Variants in MEP1B observed in about 807,000 individuals in gnomAD.
MEP1B encodes meprin A subunit beta.
A neutral mutation model predicts 84.6 loss-of-function variants in MEP1B; 80 were observed. The observed-to-expected ratio is 0.95, with a 90% CI of 0.79 to 1.14. The LOEUF (loss-of-function observed/expected upper bound fraction) is 1.14, where lower values mean the gene tolerates loss of function less well. Ranked by LOEUF, MEP1B falls within the 50% of genes most tolerant of loss-of-function variation. The pLI, the probability that MEP1B is intolerant of heterozygous loss-of-function variation, is 0.00. For synonymous variants in MEP1B, 273 were observed against 288.1 expected (o/e 0.95, Z 0.53); for missense variants, 766 against 855.1 (o/e 0.90, Z 1.30).
At chr18:32,211,320 A>C (rs1371925508) in intron 10 of MEP1B, among the ~76,000 whole-genome samples, 1 of 152,112 alleles carries the variant, frequency 6.6e-6, no homozygotes, top group African/African-American at 2.4e-5. Context: ...ATAAAAATAC[A>C]ATGTGAACTA....
At chr18:32,204,623 G>A (rs980364617) in intron 7 of MEP1B, among the ~76,000 whole-genome samples, 4 of 152,094 alleles carry the variant, frequency 2.6e-5, no homozygotes, top group South Asian at 2.1e-4. Context: ...TATGTGGAAC[G>A]GAGTCTGTGG....
In MEP1B at chr18:32,196,476, G is replaced by A. The variant is rs1464839832; in HGVS notation, c.250+991G>A. 2.2e-5 allele frequency: 15 copies of A among 694,300 alleles called. No homozygotes were observed. The highest frequency in any genetic ancestry group is 3.0e-5 in the South Asian group (2 of 67,448). 43.0% of individuals were successfully genotyped at this position (694,300 alleles called of 1,614,324 possible). ...TCCTTCTGGTGCTGCAGGGCCGACC[G>A]GAAACTCAGCTTTGCTCTCATAGAC... On this transcript the variant is annotated intron_variant, in intron 5 of 14. Coordinates refer to ENST00000269202, the MANE Select transcript of MEP1B (RefSeq NM_005925.3). This position sits in a 1 kb window ranked among gnomAD's most constrained non-coding sequence, Gnocchi z 4.4.
intron 12 of MEP1B, among the ~76,000 whole-genome samples, chr18:32,216,569 C>T (rs2041091625): frequency 1.3e-5 from 2 of 152,154 alleles, no homozygotes; most frequent in Non-Finnish European, 2.9e-5. Context: ...GTGGCTTGTA[C>T]CCTTCTGGGC....
intron 6 of MEP1B, 83 bp from the exon 7 acceptor site, chr18:32,204,099 A>G: frequency 8.6e-7 from 1 of 1,162,954 alleles, no homozygotes; most frequent in Non-Finnish European, 1.3e-6. Context: ...TGGGTAATGA[A>G]GTGGACTAGG....
chr18:32,194,757 G>A (rs895591499), intron 4 of MEP1B, among the ~76,000 whole-genome samples: 4 of 151,572 alleles, frequency 2.6e-5, no homozygotes, highest in East Asian at 1.9e-4. Flanking sequence ...CATGTACTCC[G>A]TCATCCCTGT....
rs756766399 is a variant in MEP1B at position 32,204,307 on chromosome 18, C to T, written c.494C>T (p.Ser165Leu). 25 of 1,603,318 alleles carry T rather than the reference C, an allele frequency of 1.6e-5. No homozygotes were observed. Among genetic ancestry groups the T allele is most frequent in the Non-Finnish European group, 2.0e-5 (24 of 1,175,308 alleles). ...GCTCTGGGATTCTGGCATGAGCAGTCGCGTTCTGACCGGGATGACTATGTC... is the reference window on the plus strand; with the variant it reads ...GCTCTGGGATTCTGGCATGAGCAGTTGCGTTCTGACCGGGATGACTATGTC... ...LHALGFWHEQ[S>L]RSDRDDYVRI... is the part of the protein sequence containing the mutation. Residue 165 changes from serine to leucine, a missense_variant, in exon 7 of 15, where the codon TCG becomes TTG. Ser to Leu is a moderately radical substitution (Grantham distance 145, BLOSUM62 -2). Transcript: ENST00000269202.
In MEP1B at chr18:32,216,659, C is replaced by T. The variant is rs536377969; in HGVS notation, c.1760-332C>T. On this transcript the variant is annotated intron_variant, in intron 12 of 14. Transcript: ENST00000269202. The stretch of plus-strand genomic sequence containing the variant: ...GTTTCCCTTTGCCTAGTTCTTATCT[C>T]GCTGCCTATGAATGTTGCTAGACTG... 1.2e-3 allele frequency among the ~76,000 whole-genome samples: 181 copies of T among 152,248 alleles called. No homozygotes were observed. The Middle Eastern group carries it at 0.017, about 14-fold the overall frequency.
At chr18:32,203,333 A>G (rs1198961754) in intron 6 of MEP1B, among the ~76,000 whole-genome samples, 2 of 152,166 alleles carry the variant, frequency 1.3e-5, no homozygotes, top group Non-Finnish European at 2.9e-5. Flanking sequence ...ATGTGTGTCC[A>G]TGTCTGTGCT....
intron 9 of MEP1B, among the ~76,000 whole-genome samples, chr18:32,208,684 G>C (rs1240148384): frequency 6.6e-6 from 1 of 152,182 alleles, no homozygotes; most frequent in Non-Finnish European, 1.5e-5. Flanking sequence ...ATATGCTCCT[G>C]TTACAAAAAT....
intron 9 of MEP1B, 110 bp from the exon 10 acceptor site, chr18:32,210,391 T>C (rs1598894945): frequency 1.1e-6 from 1 of 874,374 alleles, no homozygotes. Flanking sequence ...TGGCGATTTA[T>C]ATATGGATGT....
At chr18:32,193,877 C>T (rs1210325072) in intron 4 of MEP1B, among the ~76,000 whole-genome samples, 6 of 152,152 alleles carry the variant, frequency 3.9e-5, no homozygotes, top group Non-Finnish European at 8.8e-5. Flanking sequence ...CATCTCCATG[C>T]CAATGAATCC....
Position 32,217,134 on chromosome 18 carries a change from A to G in MEP1B, c.1886+17A>G, listed in dbSNP as rs899000921. 5.6e-6 allele frequency: 9 copies of G among 1,611,360 alleles called. No homozygotes were observed. In the African/African-American group the frequency reaches 1.1e-4, roughly 19 times the overall value. ...TGAGTGCAGGTAAGGATGATTTGAA[A>G]GAGATCTCTCCATTCTTTGGTTAGA... is the stretch of plus-strand genomic sequence containing the variant. On this transcript the variant is annotated intron_variant, in intron 13 of 14. Coordinates refer to ENST00000269202, the MANE Select transcript of MEP1B (RefSeq NM_005925.3).
intron 6 of MEP1B, among the ~76,000 whole-genome samples, chr18:32,203,582 C>T (rs2040933978): frequency 6.6e-6 from 1 of 152,126 alleles, no homozygotes; most frequent in African/African-American, 2.4e-5. Context: ...TTAAAGATCA[C>T]CTGGTCTGTA....
chr18:32,206,853 G>A (rs1325818139), intron 7 of MEP1B, among the ~76,000 whole-genome samples: 2 of 152,004 alleles, frequency 1.3e-5, no homozygotes, highest in African/African-American at 2.4e-5. Flanking sequence ...CTCATGATCC[G>A]CCTGCCTCGA....
At chr18:32,206,582 A>G (rs1041803706) in intron 7 of MEP1B, among the ~76,000 whole-genome samples, 4 of 151,738 alleles carry the variant, frequency 2.6e-5, no homozygotes, top group African/African-American at 4.8e-5. Context: ...GGCATGCACC[A>G]CCATGCCTGG....
At chr18:32,191,553 C>T (rs1436317367) in intron 1 of MEP1B, among the ~76,000 whole-genome samples, 1 of 151,822 alleles carries the variant, frequency 6.6e-6, no homozygotes, top group African/African-American at 2.4e-5. Context: ...TCTGCCTTTT[C>T]CCCCCCAATT....
intron 9 of MEP1B, 121 bp from the exon 10 acceptor site, chr18:32,210,380 C>A: frequency 1.3e-6 from 1 of 795,660 alleles, no homozygotes; most frequent in Non-Finnish European, 2.0e-6. Flanking sequence ...TCATTTCTCC[C>A]TGGCGATTTA....
Position 32,203,026 on chromosome 18 carries a change from A to AGTC in MEP1B, c.368+17_368+19dup, listed in dbSNP as rs1282846332. The stretch of plus-strand genomic sequence containing the variant: ...AGGGCAGTGGGTAAGTTGCAGACTT[A>AGTC]GTCTTCTAAGGCATCTAAGGAGAAC... On this transcript the variant is annotated intron_variant, in intron 6 of 14. Coordinates refer to ENST00000269202, the MANE Select transcript of MEP1B (RefSeq NM_005925.3). The AGTC allele has an allele frequency of 3.4e-6, 5 of 1,457,960 alleles. No individual in the cohort carries two copies. Among genetic ancestry groups the AGTC allele is most frequent in the Non-Finnish European group, 4.8e-6 (5 of 1,045,288 alleles). 90.3% of individuals were successfully genotyped at this position (1,457,960 alleles called of 1,614,324 possible).
At chr18:32,207,741 C>A (rs1257134373) in intron 8 of MEP1B, among the ~76,000 whole-genome samples, 1 of 152,180 alleles carries the variant, frequency 6.6e-6, no homozygotes, top group Non-Finnish European at 1.5e-5. Flanking sequence ...CTAATTCAAA[C>A]CTCGGTCAGA....
Sources: allele counts gnomAD v4.1 joint callset (sites outside exome capture counted in the v4.1 genomes callset), GRCh38; gene constraint gnomAD v4.1.1; non-coding constraint Gnocchi (gnomAD v3.1); transcripts MANE v1.5; gene names NCBI Gene and HGNC (gene_info 2026-07-23, HGNC 2026-07-21).